KIF16B: variants seen among roughly 807,000 people sequenced by gnomAD.
KIF16B encodes the protein kinesin-like protein KIF16B.
A neutral mutation model predicts 156.3 loss-of-function variants in KIF16B; 98 were observed. That is an observed-to-expected ratio of 0.63 (90% CI 0.53 to 0.74). The LOEUF (loss-of-function observed/expected upper bound fraction) is 0.74, where lower values mean the gene tolerates loss of function less well. Among genes scored for constraint, KIF16B ranks in the 30% least tolerant of loss-of-function variants. The probability of loss-of-function intolerance (pLI) is 0.00; values close to 1 mark genes in which losing one functional copy is unlikely to be tolerated. For synonymous variants in KIF16B, 564 were observed against 583.7 expected, an observed-to-expected ratio of 0.97 and a Z score of 0.49; for missense variants, 1,421 against 1,606.5, an observed-to-expected ratio of 0.88 and a Z score of 1.97.
chr20:16,534,270 A>T (rs1164320884), intron 1 of KIF16B, among the ~76,000 whole-genome samples: 1 of 151,752 alleles, frequency 6.6e-6, no homozygotes, highest in Non-Finnish European at 1.5e-5. Context: ...AAAAAAAAAA[A>T]TTAATCTAAA....
At chr20:16,316,094 A>G (rs530621877) in intron 24 of KIF16B, among the ~76,000 whole-genome samples, 1 of 152,344 alleles carries the variant, frequency 6.6e-6, no homozygotes, top group East Asian at 1.9e-4. Flanking sequence ...CTTGCTATCT[A>G]TAAGCTCAGG....
At chr20:16,320,897 C>T (rs1386473756) in intron 24 of KIF16B, among the ~76,000 whole-genome samples, 1 of 152,062 alleles carries the variant, frequency 6.6e-6, no homozygotes, top group Admixed American at 6.6e-5. Flanking sequence ...AAAAAATAAT[C>T]TTAGAGTCAC....
intron 15 of KIF16B, among the ~76,000 whole-genome samples, chr20:16,425,088 A>G (rs2066319000): frequency 6.6e-6 from 1 of 152,174 alleles, no homozygotes; most frequent in Non-Finnish European, 1.5e-5. Context: ...GTGACACTCC[A>G]GTAGCAATGA....
intron 1 of KIF16B, among the ~76,000 whole-genome samples, chr20:16,547,469 A>G (rs143187136): frequency 5.3e-4 from 81 of 152,346 alleles, no homozygotes; most frequent in Middle Eastern, 3.4e-3. Context: ...AAGAAGCGCA[A>G]TCACATTTTT....
At chr20:16,365,801 C>T (rs1342559533) in intron 22 of KIF16B, among the ~76,000 whole-genome samples, 1 of 152,130 alleles carries the variant, frequency 6.6e-6, no homozygotes, top group Non-Finnish European at 1.5e-5. Context: ...AAATATTTGA[C>T]CAGAATAGAA....
intron 25 of KIF16B, among the ~76,000 whole-genome samples, chr20:16,296,984 C>T (rs973432367): frequency 6.6e-6 from 1 of 152,176 alleles, no homozygotes; most frequent in African/African-American, 2.4e-5. Flanking sequence ...CCTGTCTTAC[C>T]GCCTGAAGCT....
chr20:16,302,888 CAGG>C (rs772553048), intron 25 of KIF16B, among the ~76,000 whole-genome samples: 50 of 152,030 alleles, frequency 3.3e-4, no homozygotes, highest in Non-Finnish European at 6.0e-4. Flanking sequence ...GTATCAATTC[CAGG>C]AGTTTTTTTC....
At chr20:16,554,200 T>A (rs189321990) in intron 1 of KIF16B, among the ~76,000 whole-genome samples, 2 of 151,950 alleles carry the variant, frequency 1.3e-5, no homozygotes, top group African/African-American at 2.4e-5. Context: ...GAGTGGGAAC[T>A]TGTGGTTTTT....
At chr20:16,435,339 G>T (rs2066614965) in intron 12 of KIF16B, among the ~76,000 whole-genome samples, 1 of 152,196 alleles carries the variant, frequency 6.6e-6, no homozygotes. Context: ...GAAGGTTAAA[G>T]ACATGGCTCC....
At chr20:16,294,852 A>G (rs1185357578) in intron 25 of KIF16B, among the ~76,000 whole-genome samples, 1 of 152,078 alleles carries the variant, frequency 6.6e-6, no homozygotes, top group African/African-American at 2.4e-5. Flanking sequence ...CCCATTTATC[A>G]TGAGGGTGCC....
chr20:16,277,536 A>C (rs2063081808), intron 25 of KIF16B, among the ~76,000 whole-genome samples: 1 of 151,232 alleles, frequency 6.6e-6, no homozygotes, highest in African/African-American at 2.4e-5. Flanking sequence ...AGTAATTTTT[A>C]TTGCCTGTGC....
chr20:16,370,669 ATTATAGCAAG>A, intron 21 of KIF16B, 33 bp from the exon 22 acceptor site: 1 of 1,545,640 alleles, frequency 6.5e-7, no homozygotes, highest in South Asian at 1.2e-5. Context: ...TCTATATTAA[ATTATAGCAAG>A]TTCACGGGGC....
At chr20:16,490,751 G>A (rs2068265251) in intron 12 of KIF16B, among the ~76,000 whole-genome samples, 1 of 152,124 alleles carries the variant, frequency 6.6e-6, no homozygotes, top group Non-Finnish European at 1.5e-5. Context: ...GCAAATAAAA[G>A]TCTGTTTTTT....
chr20:16,331,412 A>C (rs1478400899), intron 24 of KIF16B, among the ~76,000 whole-genome samples: 2 of 152,222 alleles, frequency 1.3e-5, no homozygotes, highest in Admixed American at 1.3e-4. Context: ...CTATAGGCTA[A>C]CTAAAACTAA....
intron 10 of KIF16B, among the ~76,000 whole-genome samples, chr20:16,498,580 A>T (rs1309265668): frequency 6.6e-6 from 1 of 152,126 alleles, no homozygotes; most frequent in African/African-American, 2.4e-5. Flanking sequence ...AAATTCAGTA[A>T]AAATAAAAAA....
At chr20:16,366,811 A>C (rs933103127) in intron 22 of KIF16B, 3 of 1,043,356 alleles carry the variant, frequency 2.9e-6, no homozygotes, top group Non-Finnish European at 1.2e-6. Context: ...GACAGATTCC[A>C]AGCCACCACA....
chr20:16,498,732 C>G (rs1393353323), intron 10 of KIF16B, among the ~76,000 whole-genome samples: 1 of 151,926 alleles, frequency 6.6e-6, no homozygotes, highest in East Asian at 1.9e-4. Context: ...TGCCCACTGC[C>G]TACAGTATGC....
intron 22 of KIF16B, among the ~76,000 whole-genome samples, chr20:16,358,695 C>G (rs536659892): frequency 1.1e-3 from 169 of 152,282 alleles, no homozygotes; most frequent in African/African-American, 3.7e-3. Flanking sequence ...GTAATCACAG[C>G]AGGATTAGAA....
chr20:16,425,604 A>G (rs2066330973), intron 15 of KIF16B, among the ~76,000 whole-genome samples: 1 of 152,190 alleles, frequency 6.6e-6, no homozygotes, highest in Non-Finnish European at 1.5e-5. Context: ...ACTTTCCCAC[A>G]TACTTACTAA....
Sources: gnomAD v4.1 joint callset for allele counts (sites outside exome capture counted in the v4.1 genomes callset) on GRCh38, gnomAD v4.1.1 for gene constraint, MANE v1.5 for transcripts, NCBI Gene and HGNC (gene_info 2026-07-23, HGNC 2026-07-21) for gene names.